The following GRIN2B variants were observed in gnomAD, a reference collection of about 807,000 sequenced individuals.
GRIN2B encodes glutamate receptor ionotropic, NMDA 2B.
A neutral mutation model predicts 114.5 loss-of-function variants in GRIN2B; 5 were observed. The ratio of observed to expected loss-of-function variants is 0.04; its 90% CI spans 0.02 to 0.09. GRIN2B has a LOEUF of 0.09. Ranked by LOEUF, GRIN2B falls within the 10% of genes least tolerant of loss-of-function variation. The pLI, the probability that GRIN2B is intolerant of heterozygous loss-of-function variation, is 1.00. For missense variants in GRIN2B, 1,108 were observed against 1,943.5 expected (o/e 0.57, Z 8.08); for synonymous variants, 787 against 745.1 (o/e 1.06, Z -0.92).
chr12:13,677,832 A>G lies in GRIN2B; in HGVS notation c.1011-1973T>C, dbSNP rs192470083. 4.9e-4 allele frequency among the ~76,000 whole-genome samples: 74 copies of G among 152,258 alleles called. 1 individual carries two copies. The highest frequency in any genetic ancestry group is 6.8e-3 in the Middle Eastern group (2 of 294). ...TCCTTCTTCTACATGAGAGTTTCTC[A>G]AGTATTTGAAGACATTTATCATACA... On this transcript the variant is annotated intron_variant, in intron 4 of 13. Coordinates refer to ENST00000609686, the MANE Select transcript of GRIN2B (RefSeq NM_000834.5).
At position 13,564,043 on chromosome 12, in the gene GRIN2B, G is replaced by T. The variant is rs879254211; in HGVS notation, c.3195C>A (p.Thr1065=). The T allele has an allele frequency of 3.1e-6, 5 of 1,614,260 alleles. No individual in the cohort carries two copies. Among genetic ancestry groups the T allele is most frequent in the Non-Finnish European group, 3.4e-6 (4 of 1,180,052 alleles). Residue 1065 remains threonine (T), a synonymous_variant, in exon 14 of 14, where the codon ACC becomes ACA. Coordinates refer to ENST00000609686, the MANE Select transcript of GRIN2B (RefSeq NM_000834.5). The surrounding 1 kb of genome is among the most constrained non-coding windows in gnomAD (Gnocchi z 4.8). ...CGATGTTCCCATAGGTGACGGTGTG[G>T]GTTGAGATGTCAGAGACATCGGAGC... ...LIRSDVSDIS[T]HTVTYGNIEG... is the part of the protein sequence containing the mutation.
chr12:13,678,234 T>A (rs1378113362), intron 4 of GRIN2B, among the ~76,000 whole-genome samples: 1 of 152,184 alleles, frequency 6.6e-6, no homozygotes, highest in Non-Finnish European at 1.5e-5. Context: ...ATAAACTGCA[T>A]GCATTTTACA....
intron 4 of GRIN2B, among the ~76,000 whole-genome samples, chr12:13,679,460 TTC>T (rs1374045459): frequency 2.6e-5 from 4 of 152,192 alleles, no homozygotes; most frequent in Non-Finnish European, 5.9e-5. Flanking sequence ...TTAGAAATTG[TTC>T]TCTTTCTGGG....
chr12:13,950,899 G>A (rs1867467445), intron 2 of GRIN2B, among the ~76,000 whole-genome samples: 1 of 152,130 alleles, frequency 6.6e-6, no homozygotes, highest in South Asian at 2.1e-4. Flanking sequence ...GGAATGACAG[G>A]CCTAGCCACC....
At chr12:13,703,263 C>T (rs1293153204) in intron 4 of GRIN2B, among the ~76,000 whole-genome samples, 1 of 152,038 alleles carries the variant, frequency 6.6e-6, no homozygotes, top group African/African-American at 2.4e-5. Flanking sequence ...GCCTTTAAAC[C>T]CCTCCCTTAT....
chr12:13,924,653 G>A (rs1046655675), intron 2 of GRIN2B, among the ~76,000 whole-genome samples: 1 of 152,296 alleles, frequency 6.6e-6, no homozygotes, highest in African/African-American at 2.4e-5. Flanking sequence ...GTCTCATCAC[G>A]GTCAAAGCAG....
intron 2 of GRIN2B, among the ~76,000 whole-genome samples, chr12:13,885,817 G>A (rs1177802469): frequency 1.3e-5 from 2 of 152,180 alleles, no homozygotes; most frequent in Non-Finnish European, 2.9e-5. Flanking sequence ...GGTGGTAACG[G>A]TATATAGCTT....
At chr12:13,565,877 T>TTCTTCTAACCCTTCCTGATTAAGCTC (rs1948632505) in intron 13 of GRIN2B, among the ~76,000 whole-genome samples, 1 of 152,198 alleles carries the variant, frequency 6.6e-6, no homozygotes, top group Non-Finnish European at 1.5e-5. Context: ...ACTTTCCCAG[T>TTCTTCTAACCCTTCCTGATTAAGCTC]TCTTCTAACC....
At chr12:13,885,712 T>A (rs2136770006) in intron 2 of GRIN2B, among the ~76,000 whole-genome samples, 1 of 152,326 alleles carries the variant, frequency 6.6e-6, no homozygotes, top group East Asian at 1.9e-4. Flanking sequence ...CTAAAAGAAG[T>A]AGTATTCTGA....
intron 3 of GRIN2B, among the ~76,000 whole-genome samples, chr12:13,756,200 G>A (rs1863573396): frequency 6.6e-6 from 1 of 152,118 alleles, no homozygotes; most frequent in Non-Finnish European, 1.5e-5. Flanking sequence ...ATTTTTAGTA[G>A]AGAAGGGGTT....
chr12:13,925,551 C>G (rs933899825), intron 2 of GRIN2B, among the ~76,000 whole-genome samples: 1 of 152,130 alleles, frequency 6.6e-6, no homozygotes, highest in Non-Finnish European at 1.5e-5. Flanking sequence ...CACTTTATCT[C>G]TCCCTGGACA....
chr12:13,913,593 C>T (rs2136802894), intron 2 of GRIN2B, among the ~76,000 whole-genome samples: 1 of 152,260 alleles, frequency 6.6e-6, no homozygotes, highest in South Asian at 2.1e-4. Flanking sequence ...TGCAATATGC[C>T]ACCTGCAGGT....
At chr12:13,806,101 ACAC>A (rs1026215824) in intron 3 of GRIN2B, among the ~76,000 whole-genome samples, 4 of 152,142 alleles carry the variant, frequency 2.6e-5, no homozygotes, top group African/African-American at 4.8e-5. Flanking sequence ...TTGTATATAC[ACAC>A]CACATTTTCT....
At chr12:13,881,278 A>G (rs1866069566) in intron 2 of GRIN2B, among the ~76,000 whole-genome samples, 1 of 152,140 alleles carries the variant, frequency 6.6e-6, no homozygotes, top group East Asian at 1.9e-4. Flanking sequence ...CCATTGCACC[A>G]TCCACCTCAA....
chr12:13,773,389 A>G (rs1863942944), intron 3 of GRIN2B, among the ~76,000 whole-genome samples: 1 of 152,232 alleles, frequency 6.6e-6, no homozygotes, highest in Non-Finnish European at 1.5e-5. Context: ...GCATCTGTCA[A>G]ATACACATGA....
intron 2 of GRIN2B, among the ~76,000 whole-genome samples, chr12:13,918,611 C>T (rs1591620949): frequency 6.6e-6 from 1 of 152,292 alleles, no homozygotes. Context: ...CAGCAACCAA[C>T]CCCAGTTCCC....
intron 2 of GRIN2B, among the ~76,000 whole-genome samples, chr12:13,882,055 G>C (rs760036594): frequency 6.6e-6 from 1 of 152,110 alleles, no homozygotes; most frequent in South Asian, 2.1e-4. Context: ...ACTGCCATCT[G>C]TCACCTCACC....
At chr12:13,875,985 G>A (rs1425564289) in intron 2 of GRIN2B, among the ~76,000 whole-genome samples, 3 of 152,234 alleles carry the variant, frequency 2.0e-5, no homozygotes, top group African/African-American at 7.2e-5. Flanking sequence ...ACAGTATCAT[G>A]TGAGAGGGCT....
chr12:13,961,035 C>G (rs1867680701), intron 2 of GRIN2B, among the ~76,000 whole-genome samples: 1 of 151,346 alleles, frequency 6.6e-6, no homozygotes, highest in South Asian at 2.1e-4. Context: ...AAAGGCTGGT[C>G]ATGCCGTCAT....
Sources: allele counts gnomAD v4.1 joint callset (sites outside exome capture counted in the v4.1 genomes callset), GRCh38; gene constraint gnomAD v4.1.1; non-coding constraint Gnocchi (gnomAD v3.1); transcripts MANE v1.5; gene names NCBI Gene and HGNC (gene_info 2026-07-23, HGNC 2026-07-21).